Variants in SLC9A9 observed in about 807,000 individuals in gnomAD.
SLC9A9 encodes the protein solute carrier family 9 member A9.
In SLC9A9, 62 loss-of-function variants were observed where a neutral mutation model predicts 77.8. The ratio of observed to expected loss-of-function variants is 0.80; its 90% CI spans 0.65 to 0.98. SLC9A9 has a LOEUF of 0.98. SLC9A9 is among the 50% of genes least tolerant of loss of function. SLC9A9 has a pLI of 0.00. For missense variants in SLC9A9, 775 were observed against 774.9 expected, an observed-to-expected ratio of 1.00 and a Z score of 0.00; for synonymous variants, 320 against 283.5, an observed-to-expected ratio of 1.13 and a Z score of -1.29.
chr3:143,838,967 G>T (rs2009640427), intron 1 of SLC9A9, among the ~76,000 whole-genome samples: 1 of 152,122 alleles, frequency 6.6e-6, no homozygotes, highest in African/African-American at 2.4e-5. Flanking sequence ...TTTAGAACAT[G>T]AATTTAGAGA....
chr3:143,528,472 A>G (rs754104919), intron 9 of SLC9A9, among the ~76,000 whole-genome samples: 1 of 152,214 alleles, frequency 6.6e-6, no homozygotes, highest in South Asian at 2.1e-4. Context: ...CAGTGTGATA[A>G]GTGGGTGATC....
chr3:143,699,710 A>C lies in SLC9A9; in HGVS notation c.534-6403T>G, dbSNP rs555460952. On this transcript the variant is annotated intron_variant, in intron 4 of 15. Transcript: ENST00000316549. ...TGCCAAGCCTCCCCACTGTAGGCTAAATTCCTCTGGGGCCCTAAATAAACT... is the reference window on the plus strand; with the variant it reads ...TGCCAAGCCTCCCCACTGTAGGCTACATTCCTCTGGGGCCCTAAATAAACT... Among the ~76,000 whole-genome samples, 3 of 152,254 alleles carry C rather than the reference A, an allele frequency of 2.0e-5. No individual in the cohort carries two copies. In the East Asian group the frequency reaches 5.8e-4, roughly 29 times the overall value.
chr3:143,334,546 C>T (rs2031866825), intron 14 of SLC9A9, among the ~76,000 whole-genome samples: 2 of 152,170 alleles, frequency 1.3e-5, no homozygotes, highest in African/African-American at 4.8e-5. Flanking sequence ...GATTTTGAGC[C>T]TCAGTGTTCT....
At chr3:143,323,269 C>T (rs544575255) in intron 14 of SLC9A9, among the ~76,000 whole-genome samples, 1 of 152,240 alleles carries the variant, frequency 6.6e-6, no homozygotes, top group African/African-American at 2.4e-5. Flanking sequence ...AGAAGAATAC[C>T]TGTTTATTGC....
intron 4 of SLC9A9, among the ~76,000 whole-genome samples, chr3:143,732,196 G>A (rs1410722811): frequency 2.0e-5 from 3 of 152,222 alleles, no homozygotes. Context: ...CAACAGGTAA[G>A]CACACTGTGC....
At chr3:143,331,713 G>A (rs550320691) in intron 14 of SLC9A9, among the ~76,000 whole-genome samples, 14 of 152,344 alleles carry the variant, frequency 9.2e-5, no homozygotes, top group African/African-American at 2.2e-4. Context: ...CCACCAAGGA[G>A]TCCATTCATT....
intron 2 of SLC9A9, among the ~76,000 whole-genome samples, chr3:143,805,089 G>A (rs929144081): frequency 1.4e-4 from 21 of 152,118 alleles, no homozygotes; most frequent in East Asian, 3.8e-4. Flanking sequence ...AAGTAATTAC[G>A]CTGAACCCCT....
At chr3:143,733,455 G>T (rs1934859661) in intron 4 of SLC9A9, among the ~76,000 whole-genome samples, 1 of 152,118 alleles carries the variant, frequency 6.6e-6, no homozygotes. Context: ...TCCTCACATA[G>T]ACTTGGAGCA....
At chr3:143,561,985 G>T (rs2108647047) in intron 8 of SLC9A9, among the ~76,000 whole-genome samples, 1 of 152,278 alleles carries the variant, frequency 6.6e-6, no homozygotes, top group African/African-American at 2.4e-5. Context: ...GCTATTCCTA[G>T]TAATCTAAAC....
At position 143,813,170 on chromosome 3, in the gene SLC9A9, T is replaced by C. The variant is rs370204995; in HGVS notation, c.379-16267A>G. ...CTTAGAGCAGTACATGCCAGAATTT[T>C]CCCCAATATGATACAAACAGAAAAT... On this transcript the variant is annotated intron_variant, in intron 2 of 15. Coordinates refer to ENST00000316549, the MANE Select transcript of SLC9A9 (RefSeq NM_173653.4). Among the ~76,000 whole-genome samples the C allele has an allele frequency of 3.3e-3, 499 of 152,242 alleles. 4 individuals are homozygous for C. Among genetic ancestry groups the C allele is most frequent in the African/African-American group, 0.011 (472 of 41,532 alleles).
intron 4 of SLC9A9, among the ~76,000 whole-genome samples, chr3:143,733,264 A>G (rs1934853898): frequency 6.6e-6 from 1 of 152,180 alleles, no homozygotes; most frequent in African/African-American, 2.4e-5. Flanking sequence ...GAAGAATAAG[A>G]CTTCAGCCAA....
rs1051808027 is a variant in SLC9A9 at position 143,563,800 on chromosome 3, C to T, written c.1000+10288G>A. On this transcript the variant is annotated intron_variant, in intron 8 of 15. Transcript: ENST00000316549. The stretch of plus-strand genomic sequence containing the variant: ...CATTGCTCTAGATGACCTCTCAGCA[C>T]CTTCCAATTATAAATGTCTGTAATA... Among the ~76,000 whole-genome samples the T allele has an allele frequency of 3.3e-5, 5 of 152,140 alleles. No individual in the cohort carries two copies. The South Asian group carries it at 6.2e-4, about 19-fold the overall frequency.
chr3:143,619,041 T>A (rs1169270729), intron 6 of SLC9A9, among the ~76,000 whole-genome samples: 1 of 152,184 alleles, frequency 6.6e-6, no homozygotes, highest in African/African-American at 2.4e-5. Context: ...AGAGAAAGAA[T>A]TGTTCTTTAG....
chr3:143,439,816 G>A (rs2034694960), intron 12 of SLC9A9, among the ~76,000 whole-genome samples: 1 of 123,384 alleles, frequency 8.1e-6, no homozygotes, highest in Non-Finnish European at 2.0e-5. Flanking sequence ...GTGGGAAGGA[G>A]GTGGTTCAGT....
chr3:143,721,582 G>A (rs1934499445), intron 4 of SLC9A9, among the ~76,000 whole-genome samples: 1 of 152,094 alleles, frequency 6.6e-6, no homozygotes, highest in Non-Finnish European at 1.5e-5. Context: ...CCTCCCCTGG[G>A]CACTCAGGAG....
At chr3:143,822,673 G>A (rs2009197275) in intron 2 of SLC9A9, among the ~76,000 whole-genome samples, 1 of 152,194 alleles carries the variant, frequency 6.6e-6, no homozygotes. Flanking sequence ...CTACTCGCTG[G>A]AGACCAGCAA....
intron 4 of SLC9A9, among the ~76,000 whole-genome samples, chr3:143,787,242 A>G (rs186624652): frequency 1.2e-4 from 18 of 152,350 alleles, no homozygotes; most frequent in Admixed American, 2.6e-4. Flanking sequence ...TCTTTTTAAT[A>G]TAATTGATAC....
chr3:143,765,112 T>C (rs568586191), intron 4 of SLC9A9, among the ~76,000 whole-genome samples: 48 of 150,870 alleles, frequency 3.2e-4, no homozygotes, highest in African/African-American at 1.0e-3. Flanking sequence ...TTTCCCTCTT[T>C]TTCTTTCTTT....
chr3:143,795,374 G>A (rs1328965906), intron 3 of SLC9A9, among the ~76,000 whole-genome samples: 1 of 151,912 alleles, frequency 6.6e-6, no homozygotes, highest in East Asian at 1.9e-4. Flanking sequence ...GGGAAGCAAG[G>A]AACTGGGCAA....
Sources: allele counts gnomAD v4.1 joint callset (sites outside exome capture counted in the v4.1 genomes callset), GRCh38; gene constraint gnomAD v4.1.1; transcripts MANE v1.5; gene names NCBI Gene and HGNC (gene_info 2026-07-23, HGNC 2026-07-21).